Variants in TMEM170B observed in about 807,000 individuals in gnomAD.
TMEM170B encodes the protein transmembrane protein 170B.
Under a neutral mutation model 13.0 loss-of-function variants are expected in TMEM170B, and 6 were observed. That is an observed-to-expected ratio of 0.46 (90% CI 0.25 to 0.91). The LOEUF (loss-of-function observed/expected upper bound fraction) is 0.91. Ranked by LOEUF, TMEM170B falls within the 40% of genes least tolerant of loss-of-function variation. The probability of loss-of-function intolerance (pLI) is 0.17; values close to 1 mark genes in which losing one functional copy is unlikely to be tolerated. For missense variants in TMEM170B, 138 were observed against 165.2 expected, an observed-to-expected ratio of 0.84 and a Z score of 0.90; for synonymous variants, 61 against 64.9, an observed-to-expected ratio of 0.94 and a Z score of 0.29.
chr6:11,544,640 T>C (rs1311643863), intron 1 of TMEM170B, among the ~76,000 whole-genome samples: 1 of 152,222 alleles, frequency 6.6e-6, no homozygotes, highest in Admixed American at 6.5e-5. Context: ...GGAAGACACT[T>C]GTATGGGGAT....
intron 1 of TMEM170B, among the ~76,000 whole-genome samples, chr6:11,554,129 C>CAATGT (rs1759558770): frequency 6.6e-6 from 1 of 151,944 alleles, no homozygotes; most frequent in Non-Finnish European, 1.5e-5. Flanking sequence ...TTGAGAATTT[C>CAATGT]ATTACAAGTT....
At chr6:11,553,045 C>T (rs1052574642) in intron 1 of TMEM170B, among the ~76,000 whole-genome samples, 22 of 152,064 alleles carry the variant, frequency 1.4e-4, no homozygotes, top group African/African-American at 5.3e-4. Context: ...AACTTTGCTT[C>T]CTTAATCTTA....
intron 1 of TMEM170B, among the ~76,000 whole-genome samples, chr6:11,556,264 G>T (rs1363572327): frequency 2.0e-5 from 3 of 152,190 alleles, no homozygotes; most frequent in African/African-American, 7.2e-5. Flanking sequence ...AATCTACTTA[G>T]GAGTTGAGCT....
At chr6:11,545,834 T>G (rs1425010282) in intron 1 of TMEM170B, among the ~76,000 whole-genome samples, 2 of 102,668 alleles carry the variant, frequency 1.9e-5, no homozygotes, top group Non-Finnish European at 3.9e-5. Flanking sequence ...GGTGAAACCC[T>G]GTGTCTACTA....
At chr6:11,545,660 TAAC>T (rs1032602457) in intron 1 of TMEM170B, among the ~76,000 whole-genome samples, 6 of 152,096 alleles carry the variant, frequency 3.9e-5, no homozygotes, top group African/African-American at 7.2e-5. Context: ...TAATACTTGA[TAAC>T]AACTGTGTTA....
chr6:11,571,533 A>T (rs1337519799), intron 2 of TMEM170B, among the ~76,000 whole-genome samples: 2 of 151,904 alleles, frequency 1.3e-5, no homozygotes, highest in Admixed American at 6.6e-5. Context: ...TTCATTTGGG[A>T]TCTTTCCTTA....
intron 1 of TMEM170B, among the ~76,000 whole-genome samples, chr6:11,547,416 A>T (rs187327993): frequency 2.0e-5 from 3 of 152,170 alleles, no homozygotes; most frequent in African/African-American, 4.8e-5. Context: ...TTAAGTAGAA[A>T]AAATTACTTC....
At position 11,538,102 on chromosome 6, in the gene TMEM170B, C is replaced by A. The variant is rs1759304611; in HGVS notation, c.-176C>A. On this transcript the variant is annotated 5_prime_UTR_variant, in exon 1 of 3. Transcript: ENST00000379426. The stretch of plus-strand genomic sequence containing the variant: ...GCTGCCTGGGAGACACGCTGAGCGG[C>A]CCCCCCACGGAGGCCCTCCGGCTGC... 6.6e-6 allele frequency among the ~76,000 whole-genome samples: 1 copy of A among 150,932 alleles called. No individual in the cohort carries two copies.
intron 1 of TMEM170B, among the ~76,000 whole-genome samples, chr6:11,562,133 A>G (rs148356902): frequency 1.0e-3 from 155 of 152,226 alleles, no homozygotes; most frequent in African/African-American, 3.6e-3. Flanking sequence ...TCTCAGGGTA[A>G]GTTGAGAAAA....
intron 2 of TMEM170B, among the ~76,000 whole-genome samples, chr6:11,570,839 A>G (rs1349747439): frequency 6.6e-6 from 1 of 152,248 alleles, no homozygotes; most frequent in East Asian, 1.9e-4. Flanking sequence ...ATTCAGTATC[A>G]GAAATGAGTG....
chr6:11,549,478 A>G (rs1220595520), intron 1 of TMEM170B, among the ~76,000 whole-genome samples: 1 of 152,116 alleles, frequency 6.6e-6, no homozygotes. Context: ...CCTGGCTAAC[A>G]TGGTGAAACC....
At chr6:11,563,058 T>C (rs564503278) in intron 1 of TMEM170B, among the ~76,000 whole-genome samples, 49 of 152,276 alleles carry the variant, frequency 3.2e-4, no homozygotes, top group Non-Finnish European at 4.3e-4. Context: ...CGCTGTTGAC[T>C]GGGGGCAGTG....
rs780639984 is a variant in TMEM170B, at chr6:11,545,747, A to T, written c.97+7373A>T. On this transcript the variant is annotated intron_variant, in intron 1 of 2. Coordinates refer to ENST00000379426, the MANE Select transcript of TMEM170B (RefSeq NM_001100829.3). ...GTACCCCTACTTGTTTAAAAAAAAAAGCTGAATCCCAGCACTTTGGGAGGC... is the reference window on the plus strand; with the variant it reads ...GTACCCCTACTTGTTTAAAAAAAAATGCTGAATCCCAGCACTTTGGGAGGC... Among the ~76,000 whole-genome samples the T allele has an allele frequency of 3.4e-4, 51 of 152,030 alleles. No individual in the cohort carries two copies. In the Middle Eastern group the frequency reaches 0.01, roughly 30 times the overall value.
intron 1 of TMEM170B, 36 bp downstream of exon 1, chr6:11,538,410 G>T (rs1177501989): frequency 2.1e-6 from 3 of 1,428,538 alleles, no homozygotes; most frequent in Non-Finnish European, 1.9e-6. Flanking sequence ...CGGGGATGCG[G>T]TCCGCCCCTC....
At position 11,578,803 on chromosome 6, in the gene TMEM170B, A is replaced by G. The variant is rs759659163; in HGVS notation, c.*3242A>G. On this transcript the variant is annotated 3_prime_UTR_variant, in exon 3 of 3. Coordinates refer to ENST00000379426, the MANE Select transcript of TMEM170B (RefSeq NM_001100829.3). ...GAAATAAAGAAATGAGTTGGCCTGTATATCTTGTATTTGTGATATGAGCAA... is the reference window on the plus strand; with the variant it reads ...GAAATAAAGAAATGAGTTGGCCTGTGTATCTTGTATTTGTGATATGAGCAA... 6 of 152,332 alleles carry G rather than the reference A, an allele frequency of 3.9e-5. No homozygotes were observed. Among genetic ancestry groups the G allele is most frequent in the Non-Finnish European group, 5.9e-5 (4 of 68,012 alleles). The allele number at this position is 152,332 out of a possible 1,614,324, so 9.4% of individuals were successfully genotyped here. A position where few individuals can be genotyped will look rare whatever the true frequency, so the allele number is the denominator to read the frequency against.
chr6:11,564,611 G>T (rs1759712137), intron 1 of TMEM170B, among the ~76,000 whole-genome samples: 1 of 152,188 alleles, frequency 6.6e-6, no homozygotes, highest in Admixed American at 6.6e-5. Context: ...TAAAAAGAGG[G>T]ATTTTATTAA....
intron 1 of TMEM170B, among the ~76,000 whole-genome samples, chr6:11,552,071 G>A (rs1759532587): frequency 6.6e-6 from 1 of 152,178 alleles, no homozygotes. Flanking sequence ...GTCGATAAAT[G>A]TGGAATTAGG....
chr6:11,548,924 T>TG, intron 1 of TMEM170B, among the ~76,000 whole-genome samples: 1 of 47,308 alleles, frequency 2.1e-5, no homozygotes, highest in Non-Finnish European at 4.0e-5. Context: ...GGGTCTGTCA[T>TG]GGGGTGGGGG....
At chr6:11,566,576 G>A (rs566053041) in intron 2 of TMEM170B, among the ~76,000 whole-genome samples, 1 of 152,298 alleles carries the variant, frequency 6.6e-6, no homozygotes, top group Non-Finnish European at 1.5e-5. Context: ...AGGGGTGTAA[G>A]ACAGAAAAAG....
Sources: allele counts gnomAD v4.1 joint callset (sites outside exome capture counted in the v4.1 genomes callset), GRCh38; gene constraint gnomAD v4.1.1; transcripts MANE v1.5; gene names NCBI Gene and HGNC (gene_info 2026-07-23, HGNC 2026-07-21).